ALMS1: variants seen among roughly 807,000 people sequenced by gnomAD.
ALMS1 encodes the protein ALMS1 centrosome and basal body associated protein.
A neutral mutation model predicts 352.2 loss-of-function variants in ALMS1; 271 were observed. The ratio of observed to expected loss-of-function variants is 0.77; its 90% CI spans 0.70 to 0.85. ALMS1 has a LOEUF of 0.85. Ranked by LOEUF, ALMS1 falls within the 40% of genes least tolerant of loss-of-function variation. The pLI, the probability that ALMS1 is intolerant of heterozygous loss-of-function variation, is 0.00. For synonymous variants in ALMS1, 1,865 were observed against 1,761.2 expected, an observed-to-expected ratio of 1.06 and a Z score of -1.48; for missense variants, 5,445 against 4,870.7, an observed-to-expected ratio of 1.12 and a Z score of -3.51.
chr2:73,523,023 T>C (rs2103969052), intron 11 of ALMS1, among the ~76,000 whole-genome samples: 1 of 152,324 alleles, frequency 6.6e-6, no homozygotes, highest in East Asian at 1.9e-4. Flanking sequence ...TTCTTATTTC[T>C]AAGATCTTCC....
At chr2:73,459,329 G>C (rs575006561) in intron 9 of ALMS1, 2 of 152,210 alleles carry the variant, frequency 1.3e-5, no homozygotes, top group African/African-American at 4.8e-5. Context: ...GGTGGTATCT[G>C]CTGGTTTGTG....
chr2:73,564,431 A>G (rs1302728293), intron 15 of ALMS1, among the ~76,000 whole-genome samples: 4 of 148,654 alleles, frequency 2.7e-5, no homozygotes, highest in Non-Finnish European at 5.9e-5. Flanking sequence ...GCGCCACTGC[A>G]CTTCAGTCCA....
intron 2 of ALMS1, among the ~76,000 whole-genome samples, chr2:73,411,933 A>G (rs1478039126): frequency 2.0e-5 from 3 of 152,204 alleles, no homozygotes; most frequent in Non-Finnish European, 4.4e-5. Flanking sequence ...CTACTTTACT[A>G]CAAATGTCTC....
chr2:73,451,668 A>T lies in ALMS1; in HGVS notation c.5141A>T (p.Tyr1714Phe). ...TCAGTATCCTCTAGTTTATACTCATATAGAGAGAAGCCCATTGTCTTCTAC... is the reference window on the plus strand; with the variant it reads ...TCAGTATCCTCTAGTTTATACTCATTTAGAGAGAAGCCCATTGTCTTCTAC... ...TPSVSSSLYSYREKPIVFYQQ... is the reference protein window; with the variant it reads ...TPSVSSSLYSFREKPIVFYQQ... The change falls in exon 8 of 23, where the codon TAT becomes TTT. Residue 1714 changes from tyrosine (Y) to phenylalanine (F), a missense_variant. Coordinates refer to ENST00000613296, the MANE Select transcript of ALMS1 (RefSeq NM_001378454.1). 6.2e-7 allele frequency: 1 copy of T among 1,613,918 alleles called. No homozygotes were observed. Among genetic ancestry groups the T allele is most frequent in the Non-Finnish European group, 8.5e-7 (1 of 1,179,938 alleles).
At chr2:73,524,352 T>C (rs1056800550) in intron 11 of ALMS1, among the ~76,000 whole-genome samples, 4 of 152,218 alleles carry the variant, frequency 2.6e-5, no homozygotes, top group Admixed American at 1.3e-4. Flanking sequence ...AGGCATACAG[T>C]GTATAATAAT....
At chr2:73,568,539 T>C (rs368760704) in intron 15 of ALMS1, among the ~76,000 whole-genome samples, 49 of 152,318 alleles carry the variant, frequency 3.2e-4, no homozygotes, top group African/African-American at 1.1e-3. Context: ...TGTTTGTAGA[T>C]GCACAAAATC....
chr2:73,491,579 T>G, intron 10 of ALMS1, 81 bp downstream of exon 10: 13 of 1,464,372 alleles, frequency 8.9e-6, no homozygotes, highest in African/African-American at 1.4e-5. Context: ...TATCGGTTCT[T>G]GGGGGAAAGG....
chr2:73,426,447 T>G lies in ALMS1; in HGVS notation c.1238-6T>G. On this transcript the variant is annotated splice_region_variant and splice_polypyrimidine_tract_variant and intron_variant, in intron 5 of 22. Transcript: ENST00000613296. ...ACAATTATGCAAAATGACTCCTATT[T>G]TGTAGAGGGCCTGCAGGGGAAGGTT... The G allele has an allele frequency of 6.2e-7, 1 of 1,613,868 alleles. No homozygotes were observed. Among genetic ancestry groups the G allele is most frequent in the Non-Finnish European group, 8.5e-7 (1 of 1,179,810 alleles).
At position 73,453,564 on chromosome 2, in the gene ALMS1, G is replaced by C; in HGVS notation, c.7037G>C (p.Arg2346Thr). Residue 2346 changes from arginine to threonine, a missense_variant, in exon 8 of 23, where the codon AGA (arginine) becomes ACA (threonine). By Grantham distance (71) the Arg-to-Thr change is moderately conservative. Transcript: ENST00000613296. ...IGTQTNLKCRRGIENWEFISS... is the reference protein window; with the variant it reads ...IGTQTNLKCRTGIENWEFISS... ...ACACAGACGAATTTGAAATGCCGGA[G>C]AGGCATTGAAAATTGGGAGTTTATT... The C allele has an allele frequency of 6.2e-7, 1 of 1,613,876 alleles. No individual in the cohort carries two copies. The highest frequency in any genetic ancestry group is 8.5e-7 in the Non-Finnish European group (1 of 1,179,974).
At chr2:73,447,673 C>T (rs1261792344) in intron 7 of ALMS1, among the ~76,000 whole-genome samples, 1 of 152,268 alleles carries the variant, frequency 6.6e-6, no homozygotes, top group Admixed American at 6.5e-5. Context: ...ATTATCCCAT[C>T]TCATTGAAAA....
chr2:73,598,277 G>C (rs917998223), intron 16 of ALMS1, among the ~76,000 whole-genome samples: 31 of 152,162 alleles, frequency 2.0e-4, no homozygotes, highest in African/African-American at 7.2e-4. Context: ...TTATGTACTA[G>C]AGAAAACAAG....
Position 73,559,327 on chromosome 2 carries a change from T to C in ALMS1, c.10384+185T>C, listed in dbSNP as rs527283016. Among the ~76,000 whole-genome samples, 3 of 151,898 alleles carry C rather than the reference T, an allele frequency of 2.0e-5. No homozygotes were observed. The East Asian group carries it at 5.8e-4, about 29-fold the overall frequency. ...ACTATTAGGTTACTATATATATATA[T>C]AGATTTCCAAAAAGTAATTGTTACT... is the stretch of plus-strand genomic sequence containing the variant. On this transcript the variant is annotated intron_variant, in intron 15 of 22. Coordinates refer to ENST00000613296, the MANE Select transcript of ALMS1 (RefSeq NM_001378454.1).
chr2:73,416,455 T>C (rs971054027), intron 2 of ALMS1, among the ~76,000 whole-genome samples: 3 of 152,216 alleles, frequency 2.0e-5, no homozygotes, highest in Non-Finnish European at 2.9e-5. Flanking sequence ...ATAACTGATA[T>C]TATGTAGTGG....
At chr2:73,517,582 AAC>A (rs1432608142) in intron 10 of ALMS1, among the ~76,000 whole-genome samples, 1 of 152,072 alleles carries the variant, frequency 6.6e-6, no homozygotes, top group Admixed American at 6.6e-5. Flanking sequence ...ACAAAAAAGA[AAC>A]ACGTATAGTA....
chr2:73,390,333 C>T (rs117992488), intron 1 of ALMS1, among the ~76,000 whole-genome samples: 3 of 152,106 alleles, frequency 2.0e-5, no homozygotes, highest in East Asian at 3.9e-4. Context: ...TCTAATGCTG[C>T]GTATTTAGAG....
Position 73,583,211 on chromosome 2 carries a change from A to G in ALMS1, c.11547+9787A>G, listed in dbSNP as rs1027955989. On this transcript the variant is annotated intron_variant, in intron 16 of 22. Coordinates refer to ENST00000613296, the MANE Select transcript of ALMS1 (RefSeq NM_001378454.1). ...TCCACTTTTACTTTTTTTTTTTTTT[A>G]GAGGTGGGGTCTCACTGTTTTGTCC... Among the ~76,000 whole-genome samples, 5 of 137,082 alleles carry G rather than the reference A, an allele frequency of 3.6e-5. No individual in the cohort carries two copies. The East Asian group carries it at 1.0e-3, about 28-fold the overall frequency. 89.9% of individuals were successfully genotyped at this position (137,082 alleles called of 152,430 possible).
chr2:73,585,267 C>T (rs1281817855), intron 16 of ALMS1, among the ~76,000 whole-genome samples: 5 of 152,136 alleles, frequency 3.3e-5, no homozygotes, highest in Non-Finnish European at 7.3e-5. Context: ...ATTCCCTTTT[C>T]ACCACGTCCA....
intron 9 of ALMS1, among the ~76,000 whole-genome samples, chr2:73,456,353 C>T (rs1388934851): frequency 2.0e-5 from 3 of 152,074 alleles, no homozygotes; most frequent in Non-Finnish European, 4.4e-5. Flanking sequence ...GTACAGTATT[C>T]CAGTGTGTGA....
At chr2:73,527,030 A>G (rs1461385609) in intron 11 of ALMS1, among the ~76,000 whole-genome samples, 2 of 152,132 alleles carry the variant, frequency 1.3e-5, no homozygotes, top group African/African-American at 4.8e-5. Flanking sequence ...TGAAATGATC[A>G]TGTGGTTTTT....
Sources: gnomAD v4.1 joint callset for allele counts (sites outside exome capture counted in the v4.1 genomes callset) on GRCh38, gnomAD v4.1.1 for gene constraint, MANE v1.5 for transcripts, NCBI Gene and HGNC (gene_info 2026-07-23, HGNC 2026-07-21) for gene names.